PRPSAP2: variants seen among roughly 807,000 people sequenced by gnomAD.
The protein encoded by PRPSAP2 is phosphoribosyl pyrophosphate synthase-associated protein 2.
Under a neutral mutation model 40.6 loss-of-function variants are expected in PRPSAP2, and 24 were observed. The ratio of observed to expected loss-of-function variants is 0.59; its 90% CI spans 0.43 to 0.83. PRPSAP2 has a LOEUF of 0.83. PRPSAP2 is among the 40% of genes least tolerant of loss of function. The pLI is 0.00. For synonymous variants in PRPSAP2, 149 were observed against 164.7 expected (o/e 0.90, Z 0.73); for missense variants, 292 against 465.6 (o/e 0.63, Z 3.43).
intron 9 of PRPSAP2, 125 bp from the exon 10 acceptor site, chr17:18,923,789 G>A (rs2151971439): frequency 2.2e-6 from 2 of 891,926 alleles, no homozygotes; most frequent in Non-Finnish European, 3.3e-6. Flanking sequence ...CCCTTAATCA[G>A]ATTGAGGAAA....
At chr17:18,916,935 TG>T (rs1179289226) in intron 9 of PRPSAP2, among the ~76,000 whole-genome samples, 2 of 151,690 alleles carry the variant, frequency 1.3e-5, no homozygotes, top group African/African-American at 4.8e-5. Context: ...ACTATCACAT[TG>T]GGTATTAAGT....
chr17:18,925,034 C>T (rs2041897806), intron 10 of PRPSAP2, among the ~76,000 whole-genome samples: 1 of 151,898 alleles, frequency 6.6e-6, no homozygotes, highest in South Asian at 2.1e-4. Flanking sequence ...CTTGGAGAAT[C>T]GCTTGAATCT....
intron 5 of PRPSAP2, 34 bp from the exon 6 acceptor site, chr17:18,877,664 T>G (rs200010910): frequency 1.3e-6 from 2 of 1,573,118 alleles, no homozygotes; most frequent in South Asian, 2.4e-5. Flanking sequence ...GTGTTGTAGA[T>G]CCCTTGATGA....
chr17:18,911,193 GCAT>G lies in PRPSAP2; in HGVS notation c.676_678del (p.His226del). The stretch of plus-strand genomic sequence containing the variant: ...CCGAGTCGGACTTGGTGGATGGACG[GCAT>G]TCCCCACCCATGGTCAGAAGTGTGG... On this transcript the variant is annotated inframe_deletion, in exon 9 of 12. Coordinates refer to ENST00000268835, the MANE Select transcript of PRPSAP2 (RefSeq NM_002767.4). This position sits in a 1 kb window ranked among gnomAD's most constrained non-coding sequence, Gnocchi z 4.5. 1 of 1,613,802 alleles carries G rather than the reference GCAT, an allele frequency of 6.2e-7. No individual in the cohort carries two copies. The highest frequency in any genetic ancestry group is 8.5e-7 in the Non-Finnish European group (1 of 1,179,808).
intron 4 of PRPSAP2, among the ~76,000 whole-genome samples, chr17:18,869,352 T>G (rs938400752): frequency 3.3e-5 from 5 of 151,306 alleles, no homozygotes; most frequent in Non-Finnish European, 7.4e-5. Flanking sequence ...TTTTTTTTTT[T>G]TTTGAGACAG....
At position 18,864,923 on chromosome 17, in the gene PRPSAP2, T is replaced by C. The variant is rs1289765616; in HGVS notation, c.-128-546T>C. ...GTGCAGTGGCACGATCTCAGCTCAC[T>C]GCAACCTCTGCCTCCCAGGTTCACG... On this transcript the variant is annotated intron_variant, in intron 1 of 11. Coordinates refer to ENST00000268835, the MANE Select transcript of PRPSAP2 (RefSeq NM_002767.4). 3 of 152,250 alleles carry C rather than the reference T, an allele frequency of 2.0e-5. No homozygotes were observed. In the East Asian group the frequency reaches 5.8e-4, roughly 29 times the overall value. The allele number at this position is 152,250 out of a possible 1,614,324, so 9.4% of individuals were successfully genotyped here.
chr17:18,871,567 A>G (rs1356988187), intron 4 of PRPSAP2, among the ~76,000 whole-genome samples: 1 of 150,856 alleles, frequency 6.6e-6, no homozygotes, highest in Non-Finnish European at 1.5e-5. Flanking sequence ...GGTCTTATTT[A>G]TCTTTGTTTC....
At chr17:18,928,589 C>A in intron 10 of PRPSAP2, 1 of 547,708 alleles carries the variant, frequency 1.8e-6, no homozygotes, top group Non-Finnish European at 3.4e-6. Flanking sequence ...GAGATAGCTC[C>A]AATAGTGGCA....
chr17:18,881,362 C>A (rs988421931), intron 6 of PRPSAP2, among the ~76,000 whole-genome samples: 3 of 151,554 alleles, frequency 2.0e-5, no homozygotes, highest in Admixed American at 2.0e-4. Context: ...CTCAGCCTCC[C>A]GAGTAGCTGG....
rs58195806 is a variant in PRPSAP2 at position 18,869,838 on chromosome 17, T to TGTGTG, written c.172+2504_172+2505insGTGTG. Among the ~76,000 whole-genome samples the TGTGTG allele has an allele frequency of 8.3e-3, 1,161 of 139,630 alleles. 17 individuals carry two copies. The highest frequency in any genetic ancestry group is 0.03 in the African/African-American group (1,078 of 36,016). The allele number at this position is 139,630 out of a possible 152,430, so 91.6% of individuals were successfully genotyped here. A position where few individuals can be genotyped will look rare whatever the true frequency, so the allele number is the denominator to read the frequency against. On this transcript the variant is annotated intron_variant, in intron 4 of 11. Coordinates refer to ENST00000268835, the MANE Select transcript of PRPSAP2 (RefSeq NM_002767.4). Reference sequence around the variant, plus strand: ...CAATCTGTTCCCATTTTGCTACTTTTTTTTTGTGTGTGTGTGTGTGTGTGT... The same window carrying TGTGTG: ...CAATCTGTTCCCATTTTGCTACTTTTGTGTGTTTTTGTGTGTGTGTGTGTGTGTGT...
At chr17:18,883,905 A>G (rs2038945674) in intron 7 of PRPSAP2, among the ~76,000 whole-genome samples, 1 of 152,154 alleles carries the variant, frequency 6.6e-6, no homozygotes. Context: ...AATGAATTTA[A>G]GTATTTTTGA....
In PRPSAP2 at chr17:18,923,427, C is replaced by T. The variant is rs528331869; in HGVS notation, c.734-487C>T. Among the ~76,000 whole-genome samples, 3 of 152,222 alleles carry T rather than the reference C, an allele frequency of 2.0e-5. No homozygotes were observed. The South Asian group carries it at 6.2e-4, about 32-fold the overall frequency. On this transcript the variant is annotated intron_variant, in intron 9 of 11. Coordinates refer to ENST00000268835, the MANE Select transcript of PRPSAP2 (RefSeq NM_002767.4). ...GGCGTGGAATTGCTTTCTCAATTCC[C>T]TCTTTTGATTGTTCAGTGCTGCTGT... is the stretch of plus-strand genomic sequence containing the variant.
chr17:18,885,809 A>G (rs1379120361), intron 7 of PRPSAP2, among the ~76,000 whole-genome samples: 4 of 151,824 alleles, frequency 2.6e-5, no homozygotes, highest in Non-Finnish European at 5.9e-5. Context: ...CTGGTCTCGA[A>G]CTCCTGACCT....
At chr17:18,857,274 G>A (rs1439510886), upstream of PRPSAP2, among the ~76,000 whole-genome samples, 1 of 151,664 alleles carries the variant, frequency 6.6e-6, no homozygotes, top group Non-Finnish European at 1.5e-5. Flanking sequence ...GACGAAGTTT[G>A]CAGTGAGCTG....
intron 9 of PRPSAP2, among the ~76,000 whole-genome samples, chr17:18,919,614 C>T (rs937796545): frequency 1.7e-4 from 26 of 151,864 alleles, no homozygotes; most frequent in African/African-American, 6.3e-4. Context: ...TGCAGTGAGC[C>T]ATGATGGTGC....
intron 9 of PRPSAP2, among the ~76,000 whole-genome samples, chr17:18,912,074 T>TA (rs1384409163): frequency 1.3e-5 from 2 of 151,862 alleles, no homozygotes; most frequent in Non-Finnish European, 2.9e-5. Context: ...CCCAGCTCCT[T>TA]GGGAGGCTGA....
chr17:18,863,921 C>A (rs2037240176), intron 1 of PRPSAP2, among the ~76,000 whole-genome samples: 1 of 145,544 alleles, frequency 6.9e-6, no homozygotes, highest in South Asian at 2.2e-4. Flanking sequence ...CTCACTGCAA[C>A]TTCTGCCTCC....
chr17:18,872,483 C>T, intron 4 of PRPSAP2, 100 bp from the exon 5 acceptor site: 1 of 870,000 alleles, frequency 1.1e-6, no homozygotes, highest in Non-Finnish European at 1.9e-6. Flanking sequence ...TTTGAGTTGC[C>T]ATATTCTATT....
At chr17:18,888,932 T>G (rs529380410) in intron 7 of PRPSAP2, among the ~76,000 whole-genome samples, 1 of 152,398 alleles carries the variant, frequency 6.6e-6, no homozygotes, top group Admixed American at 6.5e-5. Flanking sequence ...GAGTCCTTTC[T>G]TTTAGGTCCT....
Sources: allele counts gnomAD v4.1 joint callset (sites outside exome capture counted in the v4.1 genomes callset), GRCh38; gene constraint gnomAD v4.1.1; non-coding constraint Gnocchi (gnomAD v3.1); transcripts MANE v1.5; gene names NCBI Gene and HGNC (gene_info 2026-07-23, HGNC 2026-07-21).